The following NCOA1 variants were observed in gnomAD, a reference collection of about 807,000 sequenced individuals.
NCOA1 encodes nuclear receptor coactivator 1, also known as Hin-2 protein.
A neutral mutation model predicts 150.9 loss-of-function variants in NCOA1; 35 were observed. The observed-to-expected ratio is 0.23, with a 90% CI of 0.18 to 0.31. The LOEUF is 0.31. NCOA1 is among the 10% of genes least tolerant of loss of function. The probability of loss-of-function intolerance (pLI) is 1.00; values close to 1 mark genes in which losing one functional copy is unlikely to be tolerated. For synonymous variants in NCOA1, 590 were observed against 630.0 expected, an observed-to-expected ratio of 0.94 and a Z score of 0.95; for missense variants, 1,491 against 1,749.3, an observed-to-expected ratio of 0.85 and a Z score of 2.63.
chr2:24,592,383 C>T (rs1416680093), intron 3 of NCOA1, among the ~76,000 whole-genome samples: 1 of 152,002 alleles, frequency 6.6e-6, no homozygotes, highest in Non-Finnish European at 1.5e-5. Context: ...TTTGGGGGAT[C>T]ACTCTTGGGC....
At chr2:24,727,810 G>T (rs540793317) in intron 15 of NCOA1, among the ~76,000 whole-genome samples, 8 of 152,006 alleles carry the variant, frequency 5.3e-5, no homozygotes, top group Non-Finnish European at 8.8e-5. Flanking sequence ...TTTGTAAATG[G>T]TAATCATGTC....
chr2:24,689,698 AT>A (rs967477160), intron 8 of NCOA1, among the ~76,000 whole-genome samples: 2 of 152,120 alleles, frequency 1.3e-5, no homozygotes, highest in Non-Finnish European at 2.9e-5. Flanking sequence ...GCACAAATCC[AT>A]TTTTTTATCA....
intron 1 of NCOA1, among the ~76,000 whole-genome samples, chr2:24,501,456 A>G (rs992836139): frequency 6.6e-6 from 1 of 152,214 alleles, no homozygotes; most frequent in African/African-American, 2.4e-5. Flanking sequence ...TAGGAAAAGC[A>G]CAAAGTTTTT....
At chr2:24,726,963 C>G (rs1674658576) in intron 15 of NCOA1, among the ~76,000 whole-genome samples, 1 of 151,104 alleles carries the variant, frequency 6.6e-6, no homozygotes, top group African/African-American at 2.4e-5. Flanking sequence ...ATGGTGAAAC[C>G]CCATCTCTAC....
intron 1 of NCOA1, among the ~76,000 whole-genome samples, chr2:24,501,541 G>A (rs983237575): frequency 6.6e-6 from 1 of 151,876 alleles, no homozygotes; most frequent in Non-Finnish European, 1.5e-5. Context: ...TTCCTTTTTT[G>A]TATATGCCAT....
chr2:24,540,460 CT>C (rs781276405), intron 1 of NCOA1, among the ~76,000 whole-genome samples: 214 of 136,332 alleles, frequency 1.6e-3, no homozygotes, highest in Non-Finnish European at 1.5e-3. Context: ...GGAGAACTGG[CT>C]TTTTTTTTTT....
chr2:24,538,952 G>C (rs1191424245), intron 1 of NCOA1, among the ~76,000 whole-genome samples: 1 of 152,204 alleles, frequency 6.6e-6, no homozygotes, highest in Non-Finnish European at 1.5e-5. Context: ...TCAAGTAAGA[G>C]TTTACAGAGG....
intron 19 of NCOA1, among the ~76,000 whole-genome samples, chr2:24,742,958 A>G (rs1663687559): frequency 6.6e-6 from 1 of 152,202 alleles, no homozygotes; most frequent in Admixed American, 6.5e-5. Context: ...ATGTCAGTCA[A>G]CTTTCTGGCT....
chr2:24,530,055 A>G (rs549265678), intron 1 of NCOA1, among the ~76,000 whole-genome samples: 2 of 152,364 alleles, frequency 1.3e-5, no homozygotes, highest in East Asian at 1.9e-4. Context: ...TAAAGATTGC[A>G]AAGTGCATCC....
intron 11 of NCOA1, among the ~76,000 whole-genome samples, chr2:24,698,048 A>G (rs1173955032): frequency 6.6e-6 from 1 of 152,172 alleles, no homozygotes; most frequent in Non-Finnish European, 1.5e-5. Flanking sequence ...TTCAGCAGGC[A>G]TGTATCAAGT....
chr2:24,675,670 A>AG (rs1167603017), intron 7 of NCOA1, among the ~76,000 whole-genome samples: 1 of 152,194 alleles, frequency 6.6e-6, no homozygotes, highest in African/African-American at 2.4e-5. Context: ...GGATCACTTG[A>AG]GGTCAGGAGT....
chr2:24,725,293 T>G (rs1572645645), intron 14 of NCOA1, among the ~76,000 whole-genome samples: 2 of 152,168 alleles, frequency 1.3e-5, no homozygotes, highest in East Asian at 3.8e-4. Flanking sequence ...ACTGACTAGG[T>G]GGCTTAAACA....
At chr2:24,620,131 C>T (rs981699235) in intron 3 of NCOA1, among the ~76,000 whole-genome samples, 1 of 152,124 alleles carries the variant, frequency 6.6e-6, no homozygotes, top group Non-Finnish European at 1.5e-5. Flanking sequence ...AATTCCTTCT[C>T]AGCAAGTTCA....
intron 1 of NCOA1, among the ~76,000 whole-genome samples, chr2:24,524,322 G>T (rs1039111974): frequency 2.0e-5 from 3 of 151,972 alleles, no homozygotes; most frequent in Non-Finnish European, 1.5e-5. Context: ...TTTAGACAGG[G>T]TCGCACTCTG....
chr2:24,691,772 A>G (rs1011270180), intron 9 of NCOA1, 112 bp downstream of exon 9: 33 of 1,086,138 alleles, frequency 3.0e-5, no homozygotes, highest in Non-Finnish European at 3.9e-5. Flanking sequence ...TTACTATAAT[A>G]TGTATCATAG....
chr2:24,711,246 A>G (rs1268367576), intron 14 of NCOA1, 135 bp downstream of exon 14: 3 of 835,142 alleles, frequency 3.6e-6, no homozygotes, highest in East Asian at 5.7e-5. Context: ...ATAAATAATA[A>G]AACAGTTATA....
chr2:24,589,535 T>A (rs1667556303), intron 3 of NCOA1, among the ~76,000 whole-genome samples: 1 of 152,182 alleles, frequency 6.6e-6, no homozygotes, highest in Non-Finnish European at 1.5e-5. Flanking sequence ...TGATCTCACA[T>A]TCCTTCTCAA....
At chr2:24,598,871 A>G (rs1251937215) in intron 3 of NCOA1, among the ~76,000 whole-genome samples, 2 of 152,196 alleles carry the variant, frequency 1.3e-5, no homozygotes, top group African/African-American at 2.4e-5. Flanking sequence ...TCATCGTTCA[A>G]ATAATCAAGA....
chr2:24,561,374 G>T (rs1380833424), intron 1 of NCOA1, among the ~76,000 whole-genome samples: 1 of 152,156 alleles, frequency 6.6e-6, no homozygotes, highest in Non-Finnish European at 1.5e-5. Flanking sequence ...TAACTATGTA[G>T]ATATTGAAAG....
Sources: allele counts gnomAD v4.1 joint callset (sites outside exome capture counted in the v4.1 genomes callset), GRCh38; gene constraint gnomAD v4.1.1; transcripts MANE v1.5; gene names NCBI Gene and HGNC (gene_info 2026-07-23, HGNC 2026-07-21).